CPT1B: variants seen among roughly 807,000 people sequenced by gnomAD.
The protein encoded by CPT1B is carnitine O-palmitoyltransferase 1, muscle isoform.
A neutral mutation model predicts 92.7 loss-of-function variants in CPT1B; 57 were observed. The observed-to-expected ratio is 0.62, with a 90% CI of 0.50 to 0.77. The LOEUF (loss-of-function observed/expected upper bound fraction) is 0.77, where lower values mean the gene tolerates loss of function less well. Ranked by LOEUF, CPT1B falls within the 30% of genes least tolerant of loss-of-function variation. CPT1B has a pLI of 0.00. For synonymous variants in CPT1B, 398 were observed against 383.5 expected (o/e 1.04, Z -0.44); for missense variants, 983 against 1,017.4 (o/e 0.97, Z 0.46).
chr22:50,577,560 G>T (rs2070510716), intron 2 of CPT1B, 97 bp from the exon 3 acceptor site: 4 of 1,518,496 alleles, frequency 2.6e-6, no homozygotes, highest in Non-Finnish European at 3.5e-6. Context: ...GGCCTGGAAG[G>T]CTTTCTCTCC....
rs939957733 is a variant in CPT1B at position 50,573,959 on chromosome 22, G to A, written c.971-244C>T. The A allele has an allele frequency of 1.4e-6, 1 of 706,218 alleles. No homozygotes were observed. Among genetic ancestry groups the A allele is most frequent in the Non-Finnish European group, 2.6e-6 (1 of 378,840 alleles). 43.7% of individuals were successfully genotyped at this position (706,218 alleles called of 1,614,324 possible). A position where few individuals can be genotyped will look rare whatever the true frequency, so the allele number is the denominator to read the frequency against. ...TCACAGAAGAGGAAACGACGCACTA[G>A]AGGGTTGTGCAAACCGCCTAAGGAT... On this transcript the variant is annotated intron_variant, in intron 9 of 19. Coordinates refer to ENST00000312108, the MANE Select transcript of CPT1B (RefSeq NM_152246.3). This position sits in a 1 kb window ranked among gnomAD's most constrained non-coding sequence, Gnocchi z 5.0.
intron 7 of CPT1B, among the ~76,000 whole-genome samples, 172 bp downstream of exon 7, chr22:50,575,863 T>C (rs559224850): frequency 2.5e-4 from 38 of 152,302 alleles, no homozygotes; most frequent in African/African-American, 8.9e-4. Flanking sequence ...AAGCTGCTTC[T>C]GGACTCTTCT....
intron 9 of CPT1B, among the ~76,000 whole-genome samples, chr22:50,574,118 G>A (rs1347235981): frequency 2.0e-5 from 3 of 152,216 alleles, no homozygotes; most frequent in Non-Finnish European, 4.4e-5. Flanking sequence ...TTCACCATGC[G>A]CAGTGAGCCC....
Position 50,577,140 on chromosome 22 carries a change from A to ACT in CPT1B, c.282-108_282-107dup, listed in dbSNP as rs527595597. The ACT allele has an allele frequency of 1.1e-5, 16 of 1,421,572 alleles. No individual in the cohort carries two copies. The East Asian group carries it at 3.7e-4, about 33-fold the overall frequency. 88.1% of individuals were successfully genotyped at this position (1,421,572 alleles called of 1,614,324 possible). ...CAAGGGGAAGAACCTCCCTGGGCACACTCATGTCTGACTGCATCAAATGAG... is the reference window on the plus strand; with the variant it reads ...CAAGGGGAAGAACCTCCCTGGGCACACTCTCATGTCTGACTGCATCAAATGAG... On this transcript the variant is annotated intron_variant, in intron 3 of 19. Transcript: ENST00000312108.
Position 50,573,619 on chromosome 22 carries a change from T to G in CPT1B, c.1067A>C (p.Lys356Thr), listed in dbSNP as rs1375977601. The G allele has an allele frequency of 1.9e-6, 3 of 1,613,468 alleles. No homozygotes were observed. The highest frequency in any genetic ancestry group is 2.5e-6 in the Non-Finnish European group (3 of 1,179,998). ...GAACTGCATCTCCAGATCCTGAGGC[T>G]TGAGCAGACGGGCGCCCTCATAGAG... ...LWLYEGARLL[K>T]PQDLEMQFQR... Residue 356 changes from lysine to threonine, a missense_variant, in exon 10 of 20, where the codon AAG (lysine) becomes ACG (threonine). By Grantham distance (78) the Lys-to-Thr change is moderately conservative. Coordinates refer to ENST00000312108, the MANE Select transcript of CPT1B (RefSeq NM_152246.3). This position sits in a 1 kb window ranked among gnomAD's most constrained non-coding sequence, Gnocchi z 5.0.
rs553479143 is a variant in CPT1B at position 50,576,595 on chromosome 22, T to C, written c.502A>G (p.Ser168Gly). The change falls in exon 5 of 20, where the codon AGC becomes GGC. Residue 168 changes from serine to glycine, a missense_variant. Physicochemically the swap from Ser to Gly is moderately conservative, Grantham distance 56. Coordinates refer to ENST00000312108, the MANE Select transcript of CPT1B (RefSeq NM_152246.3). ...AGCTTGGGCAGAGATGTCTGGAAGC[T>C]GTAGAGCATAGGGTGCCGGCTGGAT... ...LLSSRHPMLY[S>G]FQTSLPKLPV... 1.2e-6 allele frequency: 2 copies of C among 1,609,980 alleles called. No individual in the cohort carries two copies. The highest frequency in any genetic ancestry group is 2.2e-5 in the South Asian group (2 of 90,486).
At position 50,571,408 on chromosome 22, in the gene CPT1B, A is replaced by G. The variant is rs753098030; in HGVS notation, c.1707T>C (p.Phe569=). ...GAGCCAGCTGCAGCGCGATCTGCAC[A>G]AAGGCATCAGGGCTGGTCCGGCACT... ...IKKCRTSPDA[F]VQIALQLAHF... Residue 569 remains phenylalanine (F), a synonymous_variant, in exon 14 of 20, where the codon TTT becomes TTC. Transcript: ENST00000312108. 8 of 1,613,790 alleles carry G rather than the reference A, an allele frequency of 5.0e-6. No homozygotes were observed. Among genetic ancestry groups the G allele is most frequent in the African/African-American group, 1.3e-5 (1 of 74,942 alleles).
chr22:50,577,961 G>A, intron 1 of CPT1B, 27 bp from the exon 2 acceptor site: 2 of 1,553,248 alleles, frequency 1.3e-6, no homozygotes, highest in Non-Finnish European at 1.7e-6. Context: ...TGGGTGCGCG[G>A]GCGCGCTTAG....
chr22:50,569,537 C>T lies in CPT1B; in HGVS notation c.2235+39G>A, dbSNP rs765377439. The T allele has an allele frequency of 3.7e-6, 6 of 1,608,068 alleles. No homozygotes were observed. The African/African-American group carries it at 4.0e-5, about 11-fold the overall frequency. ...TGTGTTCCTGGGCAGCCCCAGGTGGCACCCCTTCCTCAGGCCTGAGCTGTG... is the reference window on the plus strand; with the variant it reads ...TGTGTTCCTGGGCAGCCCCAGGTGGTACCCCTTCCTCAGGCCTGAGCTGTG... On this transcript the variant is annotated intron_variant, in intron 18 of 19. Transcript: ENST00000312108.
intron 19 of CPT1B, 119 bp from the exon 20 acceptor site, chr22:50,569,200 G>T: frequency 1.3e-6 from 1 of 767,132 alleles, no homozygotes; most frequent in Non-Finnish European, 2.1e-6. Flanking sequence ...AGCAGCATCT[G>T]CCCAGCGAGG....
chr22:50,570,800 G>A, intron 16 of CPT1B, 91 bp downstream of exon 16: 2 of 1,523,390 alleles, frequency 1.3e-6, no homozygotes, highest in Non-Finnish European at 1.8e-6. Context: ...GAGCAAGCCA[G>A]GAAAACAGGC....
In CPT1B at chr22:50,573,087, G is replaced by T. The variant is rs1365541628; in HGVS notation, c.1167-27C>A. The T allele has an allele frequency of 6.4e-7, 1 of 1,574,088 alleles. No individual in the cohort carries two copies. The highest frequency in any genetic ancestry group is 2.0e-4 in the Middle Eastern group (1 of 5,058). The stretch of plus-strand genomic sequence containing the variant: ...TGAAGCATGGGGCAGGGTAAGCAGT[G>T]GGCACGTGGACTTGGGATGAGGGTG... On this transcript the variant is annotated intron_variant, in intron 10 of 19. Transcript: ENST00000312108. This position sits in a 1 kb window ranked among gnomAD's most constrained non-coding sequence, Gnocchi z 5.0.
chr22:50,571,502 T>C lies in CPT1B; in HGVS notation c.1613A>G (p.Lys538Arg). Reference sequence around the variant, plus strand: ...CAACTCCACGTCGTCTGCCAACGCCTTGGCCACCTGGTAGGAACTCTCGAT... The same window carrying C: ...CAACTCCACGTCGTCTGCCAACGCCCTGGCCACCTGGTAGGAACTCTCGAT... ...AVIESSYQVA[K>R]ALADDVELYC... Residue 538 changes from lysine to arginine, a missense_variant, in exon 14 of 20, where the codon AAG becomes AGG. Transcript: ENST00000312108. The C allele has an allele frequency of 5.6e-6, 9 of 1,613,458 alleles. No individual in the cohort carries two copies. Among genetic ancestry groups the C allele is most frequent in the Non-Finnish European group, 5.9e-6 (7 of 1,180,002 alleles).
In CPT1B at chr22:50,577,922, G is replaced by T. The variant is rs1230432066; in HGVS notation, c.-7C>A. On this transcript the variant is annotated 5_prime_UTR_variant, in exon 2 of 20. Coordinates refer to ENST00000312108, the MANE Select transcript of CPT1B (RefSeq NM_152246.3). Reference sequence around the variant, plus strand: ...CCTGGTGAGCTTCCGCCATCCTGGGGGTTGGTCGGCACCTAGGACGGGGGC... The same window carrying T: ...CCTGGTGAGCTTCCGCCATCCTGGGTGTTGGTCGGCACCTAGGACGGGGGC... 2 of 1,606,178 alleles carry T rather than the reference G, an allele frequency of 1.2e-6. No homozygotes were observed. The highest frequency in any genetic ancestry group is 1.7e-5 in the Admixed American group (1 of 59,886).
chr22:50,572,880 G>A lies in CPT1B; in HGVS notation c.1347C>T (p.Tyr449=). Residue 449 remains tyrosine (Y), a synonymous_variant, in exon 11 of 20, where the codon TAC becomes TAT. Transcript: ENST00000312108. ...TGGGGCTGGGGCTGCCGTACCTGTT[G>A]TAGCAGTTGCCATGTAGCAGGGCCT... is the stretch of plus-strand genomic sequence containing the variant. The part of the protein sequence containing the change: ...YGKALLHGNC[Y]NRWFDKSFTL... 2 of 1,604,634 alleles carry A rather than the reference G, an allele frequency of 1.2e-6. No homozygotes were observed. The highest frequency in any genetic ancestry group is 1.7e-6 in the Non-Finnish European group (2 of 1,172,248).
chr22:50,574,755 G>C (rs1420643239), intron 7 of CPT1B, 155 bp from the exon 8 acceptor site: 1 of 631,960 alleles, frequency 1.6e-6, no homozygotes, highest in African/African-American at 1.8e-5. Flanking sequence ...CTCCAGAAAT[G>C]CACAACTGAT....
intron 11 of CPT1B, 37 bp downstream of exon 11, chr22:50,572,838 C>T: frequency 2.5e-6 from 4 of 1,587,274 alleles, no homozygotes; most frequent in Non-Finnish European, 1.7e-6. Context: ...TAACTTTTAA[C>T]CTTAAGCTGT....
chr22:50,577,778 G>C lies in CPT1B; in HGVS notation c.138C>G (p.Ile46Met). 6.2e-7 allele frequency: 1 copy of C among 1,613,694 alleles called. No homozygotes were observed. The highest frequency in any genetic ancestry group is 1.3e-5 in the African/African-American group (1 of 75,070). ...TGGGAGAAGCACCTGTGCGCACCTT[G>C]ATGCGGATCAGGCGTTTCTTCCAGG... The part of the protein sequence containing the change: ...INSWKKRLIR[I>M]KNGILRGVYP... Residue 46 changes from isoleucine to methionine, a missense_variant, in exon 2 of 20, where the codon ATC (isoleucine) becomes ATG (methionine). Ile to Met is a conservative substitution (Grantham distance 10). Coordinates refer to ENST00000312108, the MANE Select transcript of CPT1B (RefSeq NM_152246.3).
chr22:50,571,235 C>T lies in CPT1B; in HGVS notation c.1798G>A (p.Gly600Arg). The T allele has an allele frequency of 1.2e-6, 2 of 1,614,100 alleles. No homozygotes were observed. The highest frequency in any genetic ancestry group is 1.7e-6 in the Non-Finnish European group (2 of 1,180,030). The change falls in exon 15 of 20, where the codon GGA becomes AGA. Residue 600 changes from glycine to arginine, a missense_variant. Physicochemically the swap from Gly to Arg is moderately radical, Grantham distance 125. Transcript: ENST00000312108. ...EASMTRMFREGRTETVRSCTS... is the reference protein window; with the variant it reads ...EASMTRMFRERRTETVRSCTS... Reference sequence around the variant, plus strand: ...CAGGAACGCACAGTCTCAGTCCGTCCCTCCCGGAACATTCTGGTCATTGAG... The same window carrying T: ...CAGGAACGCACAGTCTCAGTCCGTCTCTCCCGGAACATTCTGGTCATTGAG...
Sources: gnomAD v4.1 joint callset for allele counts (sites outside exome capture counted in the v4.1 genomes callset) on GRCh38, gnomAD v4.1.1 for gene constraint, Gnocchi (gnomAD v3.1) non-coding constraint, MANE v1.5 for transcripts, NCBI Gene and HGNC (gene_info 2026-07-23, HGNC 2026-07-21) for gene names.